GPD2: variants seen among roughly 807,000 people sequenced by gnomAD.
GPD2 encodes the protein glycerol-3-phosphate dehydrogenase, mitochondrial.
Under a neutral mutation model 82.4 loss-of-function variants are expected in GPD2, and 54 were observed. The ratio of observed to expected loss-of-function variants is 0.66; its 90% CI spans 0.53 to 0.82. The LOEUF is 0.82. Ranked by LOEUF, GPD2 falls within the 40% of genes least tolerant of loss-of-function variation. GPD2 has a pLI of 0.00. For missense variants in GPD2, 748 were observed against 896.2 expected, an observed-to-expected ratio of 0.83 and a Z score of 2.11; for synonymous variants, 288 against 306.1, an observed-to-expected ratio of 0.94 and a Z score of 0.62.
intron 2 of GPD2, among the ~76,000 whole-genome samples, chr2:156,486,142 C>G (rs1038481207): frequency 2.6e-5 from 4 of 152,206 alleles, no homozygotes; most frequent in Non-Finnish European, 5.9e-5. Context: ...CATGTTTCAT[C>G]AAAGCACTAA....
At chr2:156,439,203 G>T (rs1242379883) in intron 1 of GPD2, among the ~76,000 whole-genome samples, 1 of 152,124 alleles carries the variant, frequency 6.6e-6, no homozygotes, top group African/African-American at 2.4e-5. Flanking sequence ...TTGTCACTAT[G>T]TCTGTGAAGT....
intron 1 of GPD2, among the ~76,000 whole-genome samples, chr2:156,464,035 G>A (rs187888627): frequency 2.6e-5 from 4 of 152,288 alleles, no homozygotes; most frequent in Non-Finnish European, 5.9e-5. Flanking sequence ...ACTGAGGAGA[G>A]TAAGATCTTA....
intron 6 of GPD2, among the ~76,000 whole-genome samples, chr2:156,530,595 A>G (rs1685814645): frequency 6.6e-6 from 1 of 151,426 alleles, no homozygotes; most frequent in Admixed American, 6.6e-5. Flanking sequence ...ATTATTTTGA[A>G]ATACGTTCCA....
chr2:156,576,431 C>T (rs1159147025), intron 13 of GPD2, among the ~76,000 whole-genome samples: 2 of 149,928 alleles, frequency 1.3e-5, no homozygotes, highest in Admixed American at 6.7e-5. Flanking sequence ...GAGGAAAGCA[C>T]ATGATACTAT....
In GPD2 at chr2:156,568,980, AT is replaced by A. The variant is rs756821930; in HGVS notation, c.1300+25del. The A allele has an allele frequency of 5.0e-6, 7 of 1,403,088 alleles. No homozygotes were observed. The East Asian group carries it at 1.7e-4, about 34-fold the overall frequency. The allele number at this position is 1,403,088 out of a possible 1,614,324, so 86.9% of individuals were successfully genotyped here. Reference sequence around the variant, plus strand: ...AGCAGGTATGAGATACTACCTTGTTATTTTCTTTTCTTTTTTTTTTTTTTTT... The same window carrying A: ...AGCAGGTATGAGATACTACCTTGTTATTTCTTTTCTTTTTTTTTTTTTTTT... On this transcript the variant is annotated intron_variant, in intron 10 of 16. Transcript: ENST00000438166.
intron 2 of GPD2, among the ~76,000 whole-genome samples, chr2:156,487,721 C>A (rs1345674427): frequency 6.6e-6 from 1 of 152,204 alleles, no homozygotes; most frequent in Non-Finnish European, 1.5e-5. Flanking sequence ...TCTTCCTTCT[C>A]TATCTACCCC....
the GPD2 span, among the ~76,000 whole-genome samples, chr2:156,416,626 G>A: frequency 6.6e-6 from 1 of 151,012 alleles, no homozygotes; most frequent in African/African-American, 2.4e-5. Flanking sequence ...GCCTCCCAAA[G>A]TGCTAGGATT....
chr2:156,483,869 C>T (rs1683828410), intron 2 of GPD2, among the ~76,000 whole-genome samples: 1 of 152,056 alleles, frequency 6.6e-6, no homozygotes, highest in Admixed American at 6.5e-5. Context: ...CAATTAGAAA[C>T]ATTCTTCAGG....
chr2:156,459,866 G>A (rs1219110830), intron 1 of GPD2, among the ~76,000 whole-genome samples: 1 of 151,902 alleles, frequency 6.6e-6, no homozygotes, highest in Non-Finnish European at 1.5e-5. Flanking sequence ...CAGAGCACTT[G>A]GCTGCCACAT....
intron 5 of GPD2, 91 bp downstream of exon 5, chr2:156,512,408 C>T (rs1685035536): frequency 1.3e-6 from 1 of 773,412 alleles, no homozygotes; most frequent in East Asian, 2.5e-5. Flanking sequence ...ATGCATATTT[C>T]ATAATGTGGT....
chr2:156,446,606 G>A lies in GPD2; in HGVS notation c.-9+10093G>A, dbSNP rs180886223. On this transcript the variant is annotated intron_variant, in intron 1 of 16. Coordinates refer to ENST00000438166, the MANE Select transcript of GPD2 (RefSeq NM_000408.5). Reference sequence around the variant, plus strand: ...TTTTTTTTTTTTAAGATGGAGTCTGGCTCTGGCACCCAGGCTGGAATGCAG... The same window carrying A: ...TTTTTTTTTTTTAAGATGGAGTCTGACTCTGGCACCCAGGCTGGAATGCAG... Among the ~76,000 whole-genome samples, 540 of 151,040 alleles carry A rather than the reference G, an allele frequency of 3.6e-3. 3 individuals are homozygous for A. Among genetic ancestry groups the A allele is most frequent in the African/African-American group, 0.013 (516 of 41,120 alleles).
At chr2:156,578,805 T>C in intron 13 of GPD2, 84 bp from the exon 14 acceptor site, 2 of 829,948 alleles carry the variant, frequency 2.4e-6, no homozygotes, top group Non-Finnish European at 4.2e-6. Flanking sequence ...TCAACTTCAT[T>C]TTCTGAAGAT....
intron 6 of GPD2, among the ~76,000 whole-genome samples, chr2:156,542,086 G>A (rs969217558): frequency 6.6e-6 from 1 of 151,826 alleles, no homozygotes. Flanking sequence ...AGTCCTGAGG[G>A]TATAGAAACT....
At chr2:156,435,701 T>G (rs1470559325), upstream of GPD2, 1 of 151,590 alleles carries the variant, frequency 6.6e-6, no homozygotes, top group Non-Finnish European at 1.5e-5. Flanking sequence ...GGTCGCAGGG[T>G]CGCCCGCCTC....
At chr2:156,496,531 T>A (rs1684386134) in intron 3 of GPD2, among the ~76,000 whole-genome samples, 1 of 152,196 alleles carries the variant, frequency 6.6e-6, no homozygotes, top group Admixed American at 6.5e-5. Flanking sequence ...TCTATAGTAG[T>A]GAGGACACAT....
At chr2:156,517,786 G>A (rs1435514569) in intron 6 of GPD2, among the ~76,000 whole-genome samples, 1 of 152,088 alleles carries the variant, frequency 6.6e-6, no homozygotes, top group Non-Finnish European at 1.5e-5. Flanking sequence ...TCCCAGAGTG[G>A]ATCTTTGTGG....
chr2:156,484,638 G>A (rs374097162), intron 2 of GPD2, among the ~76,000 whole-genome samples: 15 of 151,896 alleles, frequency 9.9e-5, no homozygotes, highest in African/African-American at 3.1e-4. Context: ...TCAGAAGTTC[G>A]AGACCAGCTT....
At chr2:156,495,923 G>A (rs1011940762) in intron 2 of GPD2, 121 bp from the exon 3 acceptor site, 3 of 733,314 alleles carry the variant, frequency 4.1e-6, no homozygotes, top group Non-Finnish European at 7.2e-6. Context: ...TATGTGGACT[G>A]TGGACTCTCT....
intron 9 of GPD2, among the ~76,000 whole-genome samples, chr2:156,567,257 T>G (rs866780213): frequency 6.6e-6 from 1 of 151,972 alleles, no homozygotes; most frequent in African/African-American, 2.4e-5. Flanking sequence ...TGATGTCACA[T>G]CCAAGAAACT....
Sources: allele counts gnomAD v4.1 joint callset (sites outside exome capture counted in the v4.1 genomes callset), GRCh38; gene constraint gnomAD v4.1.1; transcripts MANE v1.5; gene names NCBI Gene and HGNC (gene_info 2026-07-23, HGNC 2026-07-21).